The following NLGN1 variants were observed in gnomAD, a reference collection of about 807,000 sequenced individuals.
NLGN1 encodes the protein neuroligin-1.
NLGN1 carries 12 observed loss-of-function variants against 65.5 expected under a neutral mutation model. The observed-to-expected ratio is 0.18, with a 90% CI of 0.12 to 0.30. NLGN1 has a LOEUF of 0.30. NLGN1 is among the 10% of genes least tolerant of loss of function. The probability of loss-of-function intolerance (pLI) is 1.00; values close to 1 mark genes in which losing one functional copy is unlikely to be tolerated. For missense variants in NLGN1, 750 were observed against 1,007.1 expected (o/e 0.74, Z 3.46); for synonymous variants, 350 against 359.5 (o/e 0.97, Z 0.30).
At chr3:173,834,869 A>G (rs1723294039) in intron 4 of NLGN1, among the ~76,000 whole-genome samples, 1 of 152,118 alleles carries the variant, frequency 6.6e-6, no homozygotes, top group African/African-American at 2.4e-5. Context: ...ACGAAACTCA[A>G]CAGGGGATAT....
At chr3:174,237,465 G>C (rs1193052493) in intron 4 of NLGN1, among the ~76,000 whole-genome samples, 1 of 152,110 alleles carries the variant, frequency 6.6e-6, no homozygotes, top group African/African-American at 2.4e-5. Flanking sequence ...TCACCTTCAA[G>C]TAATATTTGC....
chr3:173,975,479 A>C (rs1263789856), intron 4 of NLGN1, among the ~76,000 whole-genome samples: 1 of 151,998 alleles, frequency 6.6e-6, no homozygotes, highest in East Asian at 1.9e-4. Flanking sequence ...ACAGAACAAA[A>C]ATGCAATTGA....
In NLGN1 at chr3:173,567,366, A is replaced by G. The variant is rs116679126; in HGVS notation, c.-320-36913A>G. Among the ~76,000 whole-genome samples the G allele has an allele frequency of 4.3e-3, 656 of 152,172 alleles. 5 individuals are homozygous for G. The highest frequency in any genetic ancestry group is 0.012 in the African/African-American group (512 of 41,552). On this transcript the variant is annotated intron_variant, in intron 2 of 6. Transcript: ENST00000457714. The stretch of plus-strand genomic sequence containing the variant: ...CTCTTAACCCATATAAAGTTGAGAT[A>G]TTGATGGAAAAAATGAAATATTTTG...
chr3:174,288,470 G>A (rs1001676482), downstream of NLGN1, among the ~76,000 whole-genome samples: 4 of 151,386 alleles, frequency 2.6e-5, no homozygotes. Flanking sequence ...TATTTGGGAT[G>A]TCTTCTTTAT....
chr3:173,821,397 A>C (rs1720267109), intron 4 of NLGN1, among the ~76,000 whole-genome samples: 1 of 152,172 alleles, frequency 6.6e-6, no homozygotes, highest in African/African-American at 2.4e-5. Context: ...CAGGAATAAG[A>C]GATGAGTTTA....
downstream of NLGN1, among the ~76,000 whole-genome samples, chr3:174,289,626 C>T (rs969078254): frequency 6.6e-6 from 1 of 151,002 alleles, no homozygotes; most frequent in Non-Finnish European, 1.5e-5. Flanking sequence ...ATTCTCACAC[C>T]AATCACCTGT....
rs938692839 is a variant in NLGN1 at position 174,280,134 on chromosome 3, A to T, written c.1650-347A>T. On this transcript the variant is annotated intron_variant, in intron 6 of 6. Transcript: ENST00000457714. The surrounding 1 kb of genome is among the most constrained non-coding windows in gnomAD (Gnocchi z 4.9). The stretch of plus-strand genomic sequence containing the variant: ...TCAAACCTTCATCTGCTAATTTAAA[A>T]TCAAAAATCCTTTCCACTATTCCAT... 3.9e-5 allele frequency among the ~76,000 whole-genome samples: 6 copies of T among 152,010 alleles called. No homozygotes were observed. The highest frequency in any genetic ancestry group is 7.4e-5 in the Non-Finnish European group (5 of 67,946).
chr3:173,784,943 C>T (rs1039345329), intron 3 of NLGN1, among the ~76,000 whole-genome samples: 1 of 152,098 alleles, frequency 6.6e-6, no homozygotes, highest in Non-Finnish European at 1.5e-5. Context: ...TATGAATCTC[C>T]ACATGGGAAG....
At chr3:173,935,593 T>TACACACACACACAC (rs769538665) in intron 4 of NLGN1, among the ~76,000 whole-genome samples, 38 of 142,798 alleles carry the variant, frequency 2.7e-4, no homozygotes, top group African/African-American at 9.8e-4. Context: ...ATATACAGTC[T>TACACACACACACAC]ACACACACAC....
chr3:174,094,468 C>G (rs1211398924), intron 4 of NLGN1, among the ~76,000 whole-genome samples: 4 of 150,656 alleles, frequency 2.7e-5, no homozygotes, highest in Non-Finnish European at 5.9e-5. Context: ...TGACATCTTG[C>G]TCTGTCACCC....
chr3:173,629,141 C>T (rs1755278918), intron 3 of NLGN1, among the ~76,000 whole-genome samples: 1 of 151,354 alleles, frequency 6.6e-6, no homozygotes, highest in Admixed American at 6.6e-5. Context: ...AAGGGATATA[C>T]CTGAGTTTTA....
chr3:173,716,216 C>T (rs1684221566), intron 3 of NLGN1, among the ~76,000 whole-genome samples: 1 of 152,238 alleles, frequency 6.6e-6, no homozygotes, highest in South Asian at 2.1e-4. Context: ...TCTTTACAAG[C>T]ATTTCTAATC....
intron 3 of NLGN1, among the ~76,000 whole-genome samples, chr3:173,704,154 T>G (rs1767681331): frequency 6.6e-6 from 1 of 152,226 alleles, no homozygotes; most frequent in African/African-American, 2.4e-5. Flanking sequence ...GTGCAAAAAC[T>G]ACTTGGTTTG....
At chr3:173,937,513 A>G (rs1429983233) in intron 4 of NLGN1, among the ~76,000 whole-genome samples, 1 of 152,146 alleles carries the variant, frequency 6.6e-6, no homozygotes, top group Admixed American at 6.6e-5. Context: ...CAAGTTATTT[A>G]TTACTACTGA....
intron 4 of NLGN1, among the ~76,000 whole-genome samples, chr3:174,130,510 G>A (rs1719949693): frequency 6.6e-6 from 1 of 152,136 alleles, no homozygotes; most frequent in African/African-American, 2.4e-5. Flanking sequence ...TGGGCTGGGT[G>A]TAATATAATG....
chr3:173,577,855 G>C (rs1577358734), intron 2 of NLGN1, among the ~76,000 whole-genome samples: 2 of 151,942 alleles, frequency 1.3e-5, no homozygotes, highest in African/African-American at 4.8e-5. Flanking sequence ...TAGATAGATA[G>C]GTGATAGATG....
intron 2 of NLGN1, among the ~76,000 whole-genome samples, chr3:173,551,458 T>A (rs1740842186): frequency 6.6e-6 from 1 of 152,200 alleles, no homozygotes; most frequent in South Asian, 2.1e-4. Flanking sequence ...GGAGCAATTG[T>A]TTCATGTTTT....
chr3:174,063,594 G>A (rs1315945715), intron 4 of NLGN1, among the ~76,000 whole-genome samples: 1 of 151,926 alleles, frequency 6.6e-6, no homozygotes, highest in Admixed American at 6.6e-5. Context: ...ATAAAATTAT[G>A]TCATGAGGTT....
intron 3 of NLGN1, among the ~76,000 whole-genome samples, chr3:173,749,699 A>T (rs1309281426): frequency 1.3e-5 from 2 of 152,100 alleles, no homozygotes; most frequent in Admixed American, 1.3e-4. Flanking sequence ...ACATATACAC[A>T]TACACATTGT....
Sources: allele counts gnomAD v4.1 joint callset (sites outside exome capture counted in the v4.1 genomes callset), GRCh38; gene constraint gnomAD v4.1.1; non-coding constraint Gnocchi (gnomAD v3.1); transcripts MANE v1.5; gene names NCBI Gene and HGNC (gene_info 2026-07-23, HGNC 2026-07-21).